The following LARS2 variants were observed in gnomAD, a reference collection of about 807,000 sequenced individuals.
LARS2 encodes the protein leucyl-tRNA synthetase 2, mitochondrial.
In LARS2, 81 loss-of-function variants were observed where a neutral mutation model predicts 116.6. The ratio of observed to expected loss-of-function variants is 0.69; its 90% CI spans 0.58 to 0.84. The LOEUF (loss-of-function observed/expected upper bound fraction) is 0.84, where lower values mean the gene tolerates loss of function less well. LARS2 is among the 40% of genes least tolerant of loss of function. LARS2 has a pLI of 0.00. For synonymous variants in LARS2, 396 were observed against 407.2 expected, an observed-to-expected ratio of 0.97 and a Z score of 0.33; for missense variants, 968 against 1,114.5, an observed-to-expected ratio of 0.87 and a Z score of 1.87.
intron 4 of LARS2, among the ~76,000 whole-genome samples, chr3:45,403,259 T>G (rs1277835623): frequency 6.6e-6 from 1 of 152,078 alleles, no homozygotes; most frequent in Non-Finnish European, 1.5e-5. Flanking sequence ...TTTTTTAACT[T>G]AGGCCAACTT....
intron 11 of LARS2, among the ~76,000 whole-genome samples, chr3:45,488,300 G>T (rs2125729706): frequency 6.6e-6 from 1 of 152,242 alleles, no homozygotes; most frequent in Non-Finnish European, 1.5e-5. Flanking sequence ...AGGCATGGTA[G>T]CGCACGCCTG....
At chr3:45,529,588 G>A (rs11706785) in intron 20 of LARS2, among the ~76,000 whole-genome samples, 73,094 of 151,358 alleles carry the variant, frequency 0.48, 21,330 homozygotes, top group East Asian at 0.78. Context: ...TAATGTTTAC[G>A]TGCAAAATTA....
At chr3:45,517,783 C>A in intron 17 of LARS2, 120 bp from the exon 18 acceptor site, 1 of 729,538 alleles carries the variant, frequency 1.4e-6, no homozygotes, top group Non-Finnish European at 2.2e-6. Flanking sequence ...CAGAGGAATC[C>A]ATCAGGGTGC....
intron 6 of LARS2, among the ~76,000 whole-genome samples, chr3:45,422,886 A>G (rs1482387317): frequency 2.6e-5 from 4 of 152,116 alleles, no homozygotes; most frequent in Non-Finnish European, 5.9e-5. Context: ...TATGGGGGAA[A>G]CCTTTGGGGC....
intron 8 of LARS2, among the ~76,000 whole-genome samples, chr3:45,470,885 T>C (rs543223330): frequency 1.3e-5 from 2 of 152,146 alleles, no homozygotes; most frequent in East Asian, 3.9e-4. Context: ...AAAAAGAATC[T>C]AAAAACCTGA....
intron 4 of LARS2, among the ~76,000 whole-genome samples, chr3:45,402,293 G>A (rs1358192410): frequency 6.6e-6 from 1 of 152,192 alleles, no homozygotes; most frequent in Non-Finnish European, 1.5e-5. Flanking sequence ...ACAGGAACCT[G>A]CACACACCAG....
At position 45,400,318 on chromosome 3, in the gene LARS2, G is replaced by A. The variant is rs757204777; in HGVS notation, c.308G>A (p.Arg103His). The change falls in exon 4 of 22, where the codon CGT (arginine) becomes CAT (histidine). Residue 103 changes from arginine (R) to histidine (H), a missense_variant. Coordinates refer to ENST00000645846, the MANE Select transcript of LARS2 (RefSeq NM_015340.4). Reference sequence around the variant, plus strand: ...GGTAAGCTGCACATGGGCCATGTGCGTGTCTACACCATCAGCGACACCATA... The same window carrying A: ...GGTAAGCTGCACATGGGCCATGTGCATGTCTACACCATCAGCGACACCATA... ...PSGKLHMGHV[R>H]VYTISDTIAR... The A allele has an allele frequency of 4.3e-5, 70 of 1,613,632 alleles. No homozygotes were observed. The highest frequency in any genetic ancestry group is 5.3e-5 in the African/African-American group (4 of 74,896).
chr3:45,503,159 C>T (rs1700147582), intron 15 of LARS2, among the ~76,000 whole-genome samples: 1 of 151,972 alleles, frequency 6.6e-6, no homozygotes, highest in African/African-American at 2.4e-5. Context: ...TCACTTTAAA[C>T]TGAATTTTCT....
At chr3:45,527,512 T>C (rs909111235) in intron 20 of LARS2, among the ~76,000 whole-genome samples, 1 of 151,890 alleles carries the variant, frequency 6.6e-6, no homozygotes, top group African/African-American at 2.4e-5. Flanking sequence ...TAGTCCCAGC[T>C]ACTCGAGAGG....
rs1287766356 is a variant in LARS2 at position 45,429,944 on chromosome 3, C to T, written c.516+10215C>T. On this transcript the variant is annotated intron_variant, in intron 6 of 21. Coordinates refer to ENST00000645846, the MANE Select transcript of LARS2 (RefSeq NM_015340.4). ...CTTGAACTAGTGAGGTCAAGTGATC[C>T]ACCTGCCTCAGGCTCCCAAAGTGCT... 2.0e-5 allele frequency among the ~76,000 whole-genome samples: 3 copies of T among 150,382 alleles called. No individual in the cohort carries two copies. The East Asian group carries it at 5.9e-4, about 29-fold the overall frequency.
intron 20 of LARS2, among the ~76,000 whole-genome samples, chr3:45,539,613 A>G (rs888100972): frequency 6.6e-6 from 1 of 152,194 alleles, no homozygotes; most frequent in Non-Finnish European, 1.5e-5. Context: ...CCTGGATGAC[A>G]GAGTGAGACT....
chr3:45,548,625 T>A lies in LARS2; in HGVS notation c.*1095T>A, dbSNP rs2125775099. The A allele has an allele frequency of 6.6e-6, 1 of 152,324 alleles. No homozygotes were observed. The highest frequency in any genetic ancestry group is 2.4e-5 in the African/African-American group (1 of 41,578). 9.4% of individuals were successfully genotyped at this position (152,324 alleles called of 1,614,324 possible). ...AGGCTAATCCTGGTTTTATGTGAAG[T>A]CAGCAATTAAGTGTTCCCACTAGAA... On this transcript the variant is annotated 3_prime_UTR_variant, in exon 22 of 22. Coordinates refer to ENST00000645846, the MANE Select transcript of LARS2 (RefSeq NM_015340.4).
intron 8 of LARS2, among the ~76,000 whole-genome samples, chr3:45,472,433 G>A (rs7637859): frequency 0.84 from 127,911 of 152,200 alleles, 56,167 homozygotes; most frequent in East Asian, 0.98. Context: ...CCAATTAGCT[G>A]AGTGATATGG....
At chr3:45,457,361 C>T (rs1699230508) in intron 7 of LARS2, among the ~76,000 whole-genome samples, 1 of 152,218 alleles carries the variant, frequency 6.6e-6, no homozygotes, top group Non-Finnish European at 1.5e-5. Flanking sequence ...ATAGTGAACA[C>T]AATCTCTTAT....
chr3:45,486,273 C>T (rs973983146), intron 11 of LARS2, among the ~76,000 whole-genome samples: 2 of 152,208 alleles, frequency 1.3e-5, no homozygotes, highest in East Asian at 3.9e-4. Context: ...GTGGAGGAGG[C>T]GAACTCGAGC....
At chr3:45,461,770 T>A (rs1699330490) in intron 8 of LARS2, among the ~76,000 whole-genome samples, 1 of 152,056 alleles carries the variant, frequency 6.6e-6, no homozygotes, top group Non-Finnish European at 1.5e-5. Context: ...GGTAATAAAT[T>A]GGAAGAGAGT....
chr3:45,400,721 A>G (rs1698132092), intron 4 of LARS2, among the ~76,000 whole-genome samples: 1 of 152,240 alleles, frequency 6.6e-6, no homozygotes, highest in Non-Finnish European at 1.5e-5. Context: ...GGTCAACAGT[A>G]CAAATACACA....
At chr3:45,441,872 G>A (rs530445699) in intron 6 of LARS2, among the ~76,000 whole-genome samples, 72 of 152,276 alleles carry the variant, frequency 4.7e-4, no homozygotes, top group Non-Finnish European at 8.8e-4. Context: ...CTCTGTGGTT[G>A]CCTGTGAATG....
chr3:45,415,847 CAA>C (rs386396517), intron 4 of LARS2, among the ~76,000 whole-genome samples: 22,425 of 89,868 alleles, frequency 0.25, 2,430 homozygotes, highest in Middle Eastern at 0.38. Context: ...GACTCCATCT[CAA>C]AAAAAAAAAA....
Sources: gnomAD v4.1 joint callset for allele counts (sites outside exome capture counted in the v4.1 genomes callset) on GRCh38, gnomAD v4.1.1 for gene constraint, MANE v1.5 for transcripts, NCBI Gene and HGNC (gene_info 2026-07-23, HGNC 2026-07-21) for gene names.